The following ZNF782 variants were observed in gnomAD, a reference collection of about 807,000 sequenced individuals.
The protein encoded by ZNF782 is zinc finger protein 782.
A neutral mutation model predicts 13.0 loss-of-function variants in ZNF782; 12 were observed. The observed-to-expected ratio is 0.92, with a 90% confidence interval of 0.59 to 1.50. The LOEUF (loss-of-function observed/expected upper bound fraction) is 1.50. Among genes scored for constraint, ZNF782 ranks in the 40% most tolerant of loss-of-function variants. The pLI, the probability that ZNF782 is intolerant of heterozygous loss-of-function variation, is 0.00. For missense variants in ZNF782, 770 were observed against 822.9 expected, an observed-to-expected ratio of 0.94 and a Z score of 0.79; for synonymous variants, 284 against 283.0, an observed-to-expected ratio of 1.00 and a Z score of -0.04.
At chr9:96,854,604 C>G (rs1033913153), upstream of ZNF782, 1 of 152,248 alleles carries the variant, frequency 6.6e-6, no homozygotes, top group Non-Finnish European at 1.5e-5. Flanking sequence ...TTCCCATAAG[C>G]TCTTGCGTCC....
At position 96,818,174 on chromosome 9, in the gene ZNF782, G is replaced by A. The variant is rs765540957; in HGVS notation, c.1849C>T (p.Pro617Ser). 6.2e-7 allele frequency: 1 copy of A among 1,613,800 alleles called. No homozygotes were observed. Among genetic ancestry groups the A allele is most frequent in the African/African-American group, 1.3e-5 (1 of 74,820 alleles). Residue 617 changes from proline to serine, a missense_variant, in exon 6 of 6, where the codon CCC becomes TCC. Transcript: ENST00000481138. ...TTTCCACATTCATTACATTCATAGGGCTTCTCCCCAGTGTGAGTTCTCTGA... is the reference window on the plus strand; with the variant it reads ...TTTCCACATTCATTACATTCATAGGACTTCTCCCCAGTGTGAGTTCTCTGA... ...GHQRTHTGEK[P>S]YECNECGKAF... is the part of the protein sequence containing the mutation.
the ZNF782 span, among the ~76,000 whole-genome samples, chr9:96,907,963 C>T: frequency 0.011 from 1,699 of 151,690 alleles, 34 homozygotes; most frequent in African/African-American, 0.038. Flanking sequence ...TAAAATTGAA[C>T]ATTGCTTATT....
At chr9:96,872,285 C>T (rs957758938) in intron 1 of ZNF782, among the ~76,000 whole-genome samples, 1 of 152,146 alleles carries the variant, frequency 6.6e-6, no homozygotes, top group Non-Finnish European at 1.5e-5. Context: ...GTAATCCTAG[C>T]ACTTTGGGAG....
At chr9:96,913,953 A>C in the ZNF782 span, among the ~76,000 whole-genome samples, 1 of 149,430 alleles carries the variant, frequency 6.7e-6, no homozygotes, top group African/African-American at 2.5e-5. Flanking sequence ...CAGCCTGGGC[A>C]ACACAGCGAG....
chr9:96,916,404 C>T, the ZNF782 span, among the ~76,000 whole-genome samples: 3 of 151,886 alleles, frequency 2.0e-5, no homozygotes, highest in South Asian at 2.1e-4. Flanking sequence ...GCATAAGAAT[C>T]ACTTGAACCT....
upstream of ZNF782, among the ~76,000 whole-genome samples, chr9:96,879,335 AAAC>A (rs766678581): frequency 3.5e-4 from 54 of 152,252 alleles, no homozygotes; most frequent in Non-Finnish European, 6.2e-4. Context: ...AAAAAAACAA[AAAC>A]AACAACAACA....
At chr9:96,834,464 C>T (rs533795333) in intron 4 of ZNF782, among the ~76,000 whole-genome samples, 1 of 152,290 alleles carries the variant, frequency 6.6e-6, no homozygotes, top group South Asian at 2.1e-4. Context: ...TGGACTAATA[C>T]ACCATTCAAT....
At chr9:96,862,233 G>T (rs1179708939) in intron 1 of ZNF782, among the ~76,000 whole-genome samples, 3 of 152,160 alleles carry the variant, frequency 2.0e-5, no homozygotes, top group Non-Finnish European at 4.4e-5. Flanking sequence ...GTAGTATGGG[G>T]GATGGGGGGT....
the ZNF782 span, chr9:96,931,739 C>T: frequency 6.2e-7 from 1 of 1,611,568 alleles, no homozygotes; most frequent in Non-Finnish European, 8.5e-7. Flanking sequence ...AGTGCTGGGA[C>T]CCGGCGTGAC....
At chr9:96,896,160 T>A in the ZNF782 span, 16 of 152,282 alleles carry the variant, frequency 1.1e-4, no homozygotes, top group African/African-American at 3.9e-4. Flanking sequence ...AATTAATACA[T>A]CCCCTGGTAC....
At chr9:96,855,224 C>T (rs530859665), upstream of ZNF782, among the ~76,000 whole-genome samples, 14 of 152,280 alleles carry the variant, frequency 9.2e-5, no homozygotes, top group African/African-American at 3.4e-4. Context: ...GGTTTCCATG[C>T]GCATTAACGA....
intron 4 of ZNF782, among the ~76,000 whole-genome samples, chr9:96,837,888 C>A (rs918390096): frequency 6.6e-6 from 1 of 152,114 alleles, no homozygotes; most frequent in Non-Finnish European, 1.5e-5. Flanking sequence ...TGATGCCTGG[C>A]TCATTTTTAT....
At chr9:96,895,126 C>T in the ZNF782 span, 1 of 152,160 alleles carries the variant, frequency 6.6e-6, no homozygotes, top group Non-Finnish European at 1.5e-5. Context: ...TCAGAAATTA[C>T]AGTGGGAACT....
At chr9:96,933,678 T>C in the ZNF782 span, 1 of 152,342 alleles carries the variant, frequency 6.6e-6, no homozygotes, top group Admixed American at 6.5e-5. Context: ...ACCCTGGGTT[T>C]AGGTCTTTGA....
At chr9:96,931,647 A>C in the ZNF782 span, 1 of 1,557,398 alleles carries the variant, frequency 6.4e-7, no homozygotes, top group Non-Finnish European at 8.7e-7. Context: ...AGCTGTTGGG[A>C]CTCCCCTGAT....
At chr9:96,899,847 T>G in the ZNF782 span, among the ~76,000 whole-genome samples, 3 of 151,992 alleles carry the variant, frequency 2.0e-5, no homozygotes, top group South Asian at 6.2e-4. Context: ...TCTCCCAGGC[T>G]GGGGTGCAGT....
chr9:96,822,711 A>G (rs1175028953), intron 5 of ZNF782, among the ~76,000 whole-genome samples: 3 of 152,178 alleles, frequency 2.0e-5, no homozygotes, highest in Non-Finnish European at 4.4e-5. Context: ...TAAGACTAAT[A>G]TAAGACTAAA....
chr9:96,864,706 G>GT (rs1243117531), intron 1 of ZNF782, among the ~76,000 whole-genome samples: 4 of 151,912 alleles, frequency 2.6e-5, no homozygotes, highest in Non-Finnish European at 5.9e-5. Flanking sequence ...TGTGAAAGTG[G>GT]TAAGATTACT....
chr9:96,885,493 G>C, the ZNF782 span, among the ~76,000 whole-genome samples: 5 of 152,194 alleles, frequency 3.3e-5, no homozygotes, highest in African/African-American at 1.2e-4. Flanking sequence ...GCATGTCAGG[G>C]ATCTATAAGA....
Sources: gnomAD v4.1 joint callset for allele counts (sites outside exome capture counted in the v4.1 genomes callset) on GRCh38, gnomAD v4.1.1 for gene constraint, MANE v1.5 for transcripts, NCBI Gene and HGNC (gene_info 2026-07-23, HGNC 2026-07-21) for gene names.